ZNF354B: variants seen among roughly 807,000 people sequenced by gnomAD.
ZNF354B encodes zinc finger protein 354B.
Under a neutral mutation model 12.9 loss-of-function variants are expected in ZNF354B, and 10 were observed. That is an observed-to-expected ratio of 0.77 (90% CI 0.48 to 1.31). The LOEUF is 1.31. Among genes scored for constraint, ZNF354B ranks in the 40% most tolerant of loss-of-function variants. The pLI is 0.00. For synonymous variants in ZNF354B, 260 were observed against 243.7 expected, an observed-to-expected ratio of 1.07 and a Z score of -0.62; for missense variants, 614 against 711.7, an observed-to-expected ratio of 0.86 and a Z score of 1.56.
intron 2 of ZNF354B, among the ~76,000 whole-genome samples, chr5:178,862,499 TA>T (rs2114005048): frequency 6.6e-6 from 1 of 151,664 alleles, no homozygotes; most frequent in Admixed American, 6.6e-5. Context: ...CCTGAGTAGC[TA>T]GGACTACAGG....
chr5:178,880,104 C>T (rs569805029), intron 4 of ZNF354B, among the ~76,000 whole-genome samples: 6 of 152,032 alleles, frequency 3.9e-5, no homozygotes, highest in Non-Finnish European at 7.4e-5. Context: ...TCAGCCTGGG[C>T]GACAGAGCGA....
At chr5:178,880,265 T>A (rs1381798877) in intron 4 of ZNF354B, among the ~76,000 whole-genome samples, 3 of 151,592 alleles carry the variant, frequency 2.0e-5, no homozygotes, top group Non-Finnish European at 2.9e-5. Context: ...AGTGGCACGA[T>A]CTTGGCTCAC....
intron 4 of ZNF354B, among the ~76,000 whole-genome samples, chr5:178,879,152 G>A (rs146011112): frequency 0.15 from 22,469 of 148,444 alleles, 2,036 homozygotes; most frequent in African/African-American, 0.26. Flanking sequence ...AGCTTCAAGC[G>A]ATTCTCCTGC....
In ZNF354B at chr5:178,881,793, G is replaced by A. The variant is rs148542010; in HGVS notation, c.257-916G>A. 9.5e-4 allele frequency among the ~76,000 whole-genome samples: 144 copies of A among 152,140 alleles called. 1 individual carries two copies. The highest frequency in any genetic ancestry group is 1.7e-3 in the Non-Finnish European group (117 of 67,992). ...CGAGTAGCTAGGATTACAGGCGTGC[G>A]CCACAATGCCCAGCTAATTTTTGTA... On this transcript the variant is annotated intron_variant, in intron 4 of 4. Transcript: ENST00000322434.
intron 4 of ZNF354B, among the ~76,000 whole-genome samples, chr5:178,868,390 C>CT (rs898886126): frequency 1.0e-4 from 15 of 149,252 alleles, no homozygotes; most frequent in Non-Finnish European, 1.9e-4. Context: ...AGTGGTTGAA[C>CT]TGGGGGGGCT....
At chr5:178,880,831 A>ATTTTTTTTTT (rs56013359) in intron 4 of ZNF354B, among the ~76,000 whole-genome samples, 2 of 76,146 alleles carry the variant, frequency 2.6e-5, no homozygotes, top group African/African-American at 1.2e-4. Flanking sequence ...ACTCATGGTC[A>ATTTTTTTTTT]TTTTTTTTTT....
intron 4 of ZNF354B, among the ~76,000 whole-genome samples, chr5:178,877,921 C>T (rs1757661964): frequency 6.6e-6 from 1 of 152,236 alleles, no homozygotes; most frequent in African/African-American, 2.4e-5. Context: ...GTGCTTCCTA[C>T]TCTACCATCT....
In ZNF354B at chr5:178,884,243, T is replaced by C. The variant is rs1361600754; in HGVS notation, c.1791T>C (p.Tyr597=). Residue 597 remains tyrosine (Y), a synonymous_variant, in exon 5 of 5, where the codon TAT becomes TAC. Transcript: ENST00000322434. ...FSQRSSLTNH[Y]KIHIEEDSLK... is the part of the protein sequence containing the mutation. ...AGAGGTCATCCCTTACTAATCATTA[T>C]AAAATTCACATTGAAGAGGACTCCT... is the stretch of plus-strand genomic sequence containing the variant. The C allele has an allele frequency of 6.2e-7, 1 of 1,607,742 alleles. No homozygotes were observed. The highest frequency in any genetic ancestry group is 8.5e-7 in the Non-Finnish European group (1 of 1,177,148).
chr5:178,863,375 T>C (rs7724419), intron 2 of ZNF354B, among the ~76,000 whole-genome samples: 151,950 of 152,330 alleles, frequency 1, 75,787 homozygotes, highest in Non-Finnish European at 1. Context: ...ATAAATGTGA[T>C]AGTGGTCCCA....
At chr5:178,877,925 A>G (rs1250384881) in intron 4 of ZNF354B, among the ~76,000 whole-genome samples, 2 of 152,182 alleles carry the variant, frequency 1.3e-5, no homozygotes, top group Non-Finnish European at 2.9e-5. Flanking sequence ...TTCCTACTCT[A>G]CCATCTTCCC....
intron 2 of ZNF354B, among the ~76,000 whole-genome samples, chr5:178,865,980 A>G (rs1340194895): frequency 6.6e-6 from 1 of 152,210 alleles, no homozygotes. Flanking sequence ...ATTGCCAACG[A>G]AAGATTATTC....
rs372297953 is a variant in ZNF354B at position 178,867,076 on chromosome 5, G to T, written c.256+5G>T. The T allele has an allele frequency of 1.2e-5, 20 of 1,612,304 alleles. No individual in the cohort carries two copies. The South Asian group carries it at 2.0e-4, about 16-fold the overall frequency. ...GTTCTGGTGTCTCCTCTCTAGGTAA[G>T]TGGGTGGCCCGAGGTGCTCGGGAAT... On this transcript the variant is annotated splice_donor_5th_base_variant and intron_variant, in intron 4 of 4. Coordinates refer to ENST00000322434, the MANE Select transcript of ZNF354B (RefSeq NM_058230.3).
chr5:178,865,305 G>C (rs1306185440), intron 2 of ZNF354B, among the ~76,000 whole-genome samples: 9 of 151,762 alleles, frequency 5.9e-5, no homozygotes, highest in African/African-American at 1.7e-4. Flanking sequence ...GTCTCATTCT[G>C]TTTCCAGGCT....
chr5:178,865,139 A>G (rs768475549), intron 2 of ZNF354B, among the ~76,000 whole-genome samples: 2 of 152,172 alleles, frequency 1.3e-5, no homozygotes, highest in Non-Finnish European at 2.9e-5. Context: ...GTGCAGATGA[A>G]CTTATTTCTT....
chr5:178,869,850 G>A (rs146154204), intron 4 of ZNF354B, among the ~76,000 whole-genome samples: 3 of 152,150 alleles, frequency 2.0e-5, no homozygotes, highest in Admixed American at 6.5e-5. Context: ...GGGTGCTGAC[G>A]TGCTTGCATC....
chr5:178,870,200 C>A (rs1483792548), intron 4 of ZNF354B, among the ~76,000 whole-genome samples: 1 of 152,156 alleles, frequency 6.6e-6, no homozygotes, highest in Admixed American at 6.5e-5. Context: ...ACCCTTTGAA[C>A]AGCCAGTGAT....
In ZNF354B at chr5:178,863,718, G is replaced by A. The variant is rs142809973; in HGVS notation, c.34-2526G>A. On this transcript the variant is annotated intron_variant, in intron 2 of 4. Transcript: ENST00000322434. ...GCAGAAGAAAGCTTTGTTCTCATAG[G>A]AGATGACAGCTGCATGTGTGTCATT... 2.6e-5 allele frequency among the ~76,000 whole-genome samples: 4 copies of A among 152,304 alleles called. 1 individual carries two copies. In the East Asian group the frequency reaches 7.7e-4, roughly 29 times the overall value.
intron 1 of ZNF354B, 176 bp from the exon 2 acceptor site, chr5:178,860,821 G>GGGGCCT (rs1757333984): frequency 1.7e-5 from 8 of 472,624 alleles, no homozygotes; most frequent in South Asian, 6.3e-5. Context: ...CCAAGCCTGT[G>GGGGCCT]GGGCCTGGGC....
rs1429029314 is a variant in ZNF354B at position 178,866,284 on chromosome 5, G to A, written c.74G>A (p.Trp25Ter). 1 of 1,614,016 alleles carries A rather than the reference G, an allele frequency of 6.2e-7. No individual in the cohort carries two copies. The highest frequency in any genetic ancestry group is 8.5e-7 in the Non-Finnish European group (1 of 1,180,008). ...GAGGACGTGGCTGTGCTCTTTACCT[G>A]GGATGAGTGGAGAAAGCTGGCTCCT... is the stretch of plus-strand genomic sequence containing the variant. ...TFEDVAVLFT[W>*]DEWRKLAPSQ... The change falls in exon 3 of 5, where the codon TGG (tryptophan) becomes TAG (stop). Residue 25 changes from tryptophan (W) to a stop codon, truncating the protein, a stop_gained. Transcript: ENST00000322434. LOFTEE classifies it high-confidence loss of function.
Sources: gnomAD v4.1 joint callset for allele counts (sites outside exome capture counted in the v4.1 genomes callset) on GRCh38, gnomAD v4.1.1 for gene constraint, MANE v1.5 for transcripts, NCBI Gene and HGNC (gene_info 2026-07-23, HGNC 2026-07-21) for gene names.